Variants in NRP1 observed in about 807,000 individuals in gnomAD.
NRP1 encodes the protein neuropilin 1, also known as neuropilin-1.
NRP1 carries 35 observed loss-of-function variants against 106.7 expected under a neutral mutation model. That is an observed-to-expected ratio of 0.33 (90% CI 0.25 to 0.43). The LOEUF (loss-of-function observed/expected upper bound fraction) is 0.43. Ranked by LOEUF, NRP1 falls within the 20% of genes least tolerant of loss-of-function variation. The pLI is 1.00. For synonymous variants in NRP1, 437 were observed against 417.9 expected (o/e 1.05, Z -0.56); for missense variants, 1,024 against 1,170.4 (o/e 0.87, Z 1.83).
intron 3 of NRP1, among the ~76,000 whole-genome samples, chr10:33,268,835 CAT>C (rs771172506): frequency 8.5e-5 from 13 of 152,146 alleles, no homozygotes; most frequent in Middle Eastern, 6.3e-3. Flanking sequence ...ATGCTGATAT[CAT>C]ATGTATACTA....
intron 2 of NRP1, among the ~76,000 whole-genome samples, chr10:33,311,690 G>A (rs1740099306): frequency 6.6e-6 from 1 of 152,204 alleles, no homozygotes; most frequent in African/African-American, 2.4e-5. Flanking sequence ...GCTTGGGAAA[G>A]TGCCTGAATC....
intron 2 of NRP1, among the ~76,000 whole-genome samples, chr10:33,284,127 C>T (rs951272530): frequency 6.6e-6 from 1 of 152,202 alleles, no homozygotes; most frequent in African/African-American, 2.4e-5. Flanking sequence ...ATACTTAAGT[C>T]TCAGCTGTGA....
At chr10:33,302,239 A>T (rs1588955316) in intron 2 of NRP1, among the ~76,000 whole-genome samples, 3 of 152,192 alleles carry the variant, frequency 2.0e-5, no homozygotes, top group East Asian at 3.9e-4. Context: ...CCCAACACCA[A>T]CCTTCTAACT....
chr10:33,285,863 C>CA (rs576089875), intron 2 of NRP1, among the ~76,000 whole-genome samples: 42 of 151,530 alleles, frequency 2.8e-4, no homozygotes, highest in South Asian at 2.5e-3. Context: ...CAAAACAAAA[C>CA]AAACAACAAC....
At position 33,178,160 on chromosome 10, in the gene NRP1, T is replaced by G. The variant is rs2132552669; in HGVS notation, c.*1916A>C. ...AAAGGCATTCTCAATCCAATTTAAC[T>G]AAGATGAATGGACTGTCTCGTCTAT... On this transcript the variant is annotated 3_prime_UTR_variant, in exon 17 of 17. Coordinates refer to ENST00000374867, the MANE Select transcript of NRP1 (RefSeq NM_003873.7). 1 of 152,724 alleles carries G rather than the reference T, an allele frequency of 6.5e-6. No individual in the cohort carries two copies. Among genetic ancestry groups the G allele is most frequent in the East Asian group, 1.9e-4 (1 of 5,184 alleles). The allele number at this position is 152,724 out of a possible 1,614,324, so 9.5% of individuals were successfully genotyped here.
chr10:33,283,561 T>C (rs1378013441), intron 2 of NRP1, among the ~76,000 whole-genome samples: 1 of 152,220 alleles, frequency 6.6e-6, no homozygotes, highest in Non-Finnish European at 1.5e-5. Flanking sequence ...TCTGACAACA[T>C]GTGAAAATAA....
At chr10:33,317,501 C>G (rs571647331) in intron 2 of NRP1, among the ~76,000 whole-genome samples, 1 of 152,292 alleles carries the variant, frequency 6.6e-6, no homozygotes, top group East Asian at 1.9e-4. Context: ...TGGATTTATG[C>G]TACAAAATCC....
chr10:33,253,209 A>T (rs994652070), intron 6 of NRP1, among the ~76,000 whole-genome samples: 1 of 152,194 alleles, frequency 6.6e-6, no homozygotes, highest in Non-Finnish European at 1.5e-5. Context: ...GACTGTCAGC[A>T]TCAGGCCTTT....
At chr10:33,184,449 C>G (rs1429666700) in intron 15 of NRP1, among the ~76,000 whole-genome samples, 1 of 152,204 alleles carries the variant, frequency 6.6e-6, no homozygotes, top group South Asian at 2.1e-4. Context: ...TTGTTTTAGT[C>G]TGTGGAGTTT....
intron 10 of NRP1, chr10:33,206,008 G>A: frequency 3.1e-6 from 1 of 325,462 alleles, no homozygotes. Context: ...GCCCAGGAAT[G>A]AACAAGGACA....
intron 9 of NRP1, 27 bp downstream of exon 9, chr10:33,213,359 G>A: frequency 1.2e-6 from 2 of 1,614,084 alleles, no homozygotes; most frequent in South Asian, 1.1e-5. Context: ...CATAAGGGAT[G>A]ACCTCCTCCC....
At chr10:33,240,371 G>A (rs1840919700) in intron 6 of NRP1, among the ~76,000 whole-genome samples, 1 of 152,136 alleles carries the variant, frequency 6.6e-6, no homozygotes, top group African/African-American at 2.4e-5. Flanking sequence ...TTTCTAAGTG[G>A]CTCAAGATAA....
At chr10:33,281,767 A>C (rs1310987419) in intron 2 of NRP1, among the ~76,000 whole-genome samples, 1 of 152,220 alleles carries the variant, frequency 6.6e-6, no homozygotes, top group Non-Finnish European at 1.5e-5. Flanking sequence ...CATACATGTC[A>C]TGACGCTTGT....
At chr10:33,235,160 T>C (rs915820780) in intron 6 of NRP1, among the ~76,000 whole-genome samples, 3 of 152,236 alleles carry the variant, frequency 2.0e-5, no homozygotes, top group Non-Finnish European at 4.4e-5. Flanking sequence ...TTCTGACATG[T>C]TCTTTGAACT....
At position 33,186,329 on chromosome 10, in the gene NRP1, C is replaced by T. The variant is rs554872876; in HGVS notation, c.2222G>A (p.Arg741His). The T allele has an allele frequency of 1.0e-4, 168 of 1,613,984 alleles. No homozygotes were observed. The highest frequency in any genetic ancestry group is 1.6e-4 in the Middle Eastern group (1 of 6,082). The change falls in exon 14 of 17, where the codon CGC (arginine) becomes CAC (histidine). Residue 741 changes from arginine to histidine, a missense_variant. Transcript: ENST00000374867. ...SHVGTLRVKL[R>H]YQKPEEYDQL... ...ATCGTACTCCTCTGGCTTCTGGTAG[C>T]GCAGTTTGACCCTGAGTGTGCCGAC...
At chr10:33,257,064 C>T (rs1842247256) in intron 4 of NRP1, among the ~76,000 whole-genome samples, 1 of 152,186 alleles carries the variant, frequency 6.6e-6, no homozygotes, top group African/African-American at 2.4e-5. Context: ...TTATGTCCTA[C>T]TCAGGGCTTT....
At position 33,179,916 on chromosome 10, in the gene NRP1, C is replaced by A; in HGVS notation, c.*160G>T. 1.4e-6 allele frequency: 1 copy of A among 717,242 alleles called. No individual in the cohort carries two copies. Among genetic ancestry groups the A allele is most frequent in the Non-Finnish European group, 2.4e-6 (1 of 417,388 alleles). 44.4% of individuals were successfully genotyped at this position (717,242 alleles called of 1,614,324 possible). A position where few individuals can be genotyped will look rare whatever the true frequency, so the allele number is the denominator to read the frequency against. ...TCCGATGGTGAACACAGCTCCTTGT[C>A]CATGTCTGTCGGCCATACTCATTGA... On this transcript the variant is annotated 3_prime_UTR_variant, in exon 17 of 17. Transcript: ENST00000374867.
At chr10:33,276,927 C>A (rs982439431) in intron 2 of NRP1, among the ~76,000 whole-genome samples, 1 of 151,940 alleles carries the variant, frequency 6.6e-6, no homozygotes, top group African/African-American at 2.4e-5. Context: ...GAACCCCTAA[C>A]CCCCTCTCTA....
intron 2 of NRP1, among the ~76,000 whole-genome samples, chr10:33,320,373 T>A (rs1847414154): frequency 6.6e-6 from 1 of 150,916 alleles, no homozygotes; most frequent in Non-Finnish European, 1.5e-5. Context: ...CCGTAGCCCT[T>A]AACTGTGCTG....
Sources: gnomAD v4.1 joint callset for allele counts (sites outside exome capture counted in the v4.1 genomes callset) on GRCh38, gnomAD v4.1.1 for gene constraint, MANE v1.5 for transcripts, NCBI Gene and HGNC (gene_info 2026-07-23, HGNC 2026-07-21) for gene names.